OTOGL: variants seen among roughly 807,000 people sequenced by gnomAD.
OTOGL encodes the protein otogelin-like protein.
A neutral mutation model predicts 318.5 loss-of-function variants in OTOGL; 285 were observed. The observed-to-expected ratio is 0.89, with a 90% confidence interval of 0.81 to 0.99. The LOEUF (loss-of-function observed/expected upper bound fraction) is 0.99, where lower values mean the gene tolerates loss of function less well. OTOGL is among the 50% of genes least tolerant of loss of function. The probability of loss-of-function intolerance (pLI) is 0.00; values close to 1 mark genes in which losing one functional copy is unlikely to be tolerated. For synonymous variants in OTOGL, 987 were observed against 936.5 expected, an observed-to-expected ratio of 1.05 and a Z score of -0.99; for missense variants, 2,899 against 2,845.6, an observed-to-expected ratio of 1.02 and a Z score of -0.43.
Position 80,267,308 on chromosome 12 carries a change from C to A in OTOGL, c.2446C>A (p.Pro816Thr). Reference protein sequence around the residue: ...GSVYQPGELIPTPSGLCQCSN... With the variant: ...GSVYQPGELITTPSGLCQCSN... ...TGTTTATCAACCTGGAGAGCTCATC[C>A]CCACACCCTCGGGCTTATGGTAGGT... The change falls in exon 22 of 59, where the codon CCC (proline) becomes ACC (threonine). Residue 816 changes from proline to threonine, a missense_variant. Around this residue, in one of 3 missense-constraint regions of OTOGL, gnomAD observed 2,607 missense variants for 2,524.9 expected, o/e 1.03. Coordinates refer to ENST00000547103, the MANE Select transcript of OTOGL (RefSeq NM_001378609.3). The A allele has an allele frequency of 1.9e-6, 3 of 1,547,708 alleles. No individual in the cohort carries two copies. Among genetic ancestry groups the A allele is most frequent in the Non-Finnish European group, 2.7e-6 (3 of 1,130,304 alleles).
chr12:80,357,203 G>C (rs369508323), intron 49 of OTOGL, among the ~76,000 whole-genome samples: 1 of 152,086 alleles, frequency 6.6e-6, no homozygotes, highest in Admixed American at 6.6e-5. Context: ...GAAAAATTTA[G>C]CACTGGCTTT....
intron 44 of OTOGL, 37 bp downstream of exon 44, chr12:80,342,199 T>C (rs1446652440): frequency 6.8e-7 from 1 of 1,465,684 alleles, no homozygotes; most frequent in Non-Finnish European, 9.3e-7. Flanking sequence ...ACTTTCATGT[T>C]AGATATGTTG....
intron 1 of OTOGL, among the ~76,000 whole-genome samples, chr12:80,108,936 G>GTGTATA (rs1555268621): frequency 3.1e-5 from 4 of 128,244 alleles, no homozygotes; most frequent in African/African-American, 1.3e-4. Flanking sequence ...ATATGTGTGT[G>GTGTATA]TATATATATA....
chr12:80,285,927 AG>A (rs1884586459), intron 26 of OTOGL, among the ~76,000 whole-genome samples: 1 of 152,154 alleles, frequency 6.6e-6, no homozygotes, highest in African/African-American at 2.4e-5. Context: ...GAGTGGTAAG[AG>A]GGGGCATCCT....
chr12:80,295,510 C>G (rs1885333750), intron 26 of OTOGL, among the ~76,000 whole-genome samples: 1 of 152,264 alleles, frequency 6.6e-6, no homozygotes, highest in Non-Finnish European at 1.5e-5. Flanking sequence ...CTTTTTCTTA[C>G]TATGAAAATA....
intron 1 of OTOGL, among the ~76,000 whole-genome samples, chr12:80,148,460 G>A (rs1286983908): frequency 8.7e-5 from 13 of 149,150 alleles, no homozygotes; most frequent in African/African-American, 2.5e-4. Context: ...AGGGTAACCC[G>A]ACCTTTCTCT....
intron 26 of OTOGL, among the ~76,000 whole-genome samples, chr12:80,294,812 C>T (rs1885272986): frequency 6.6e-6 from 1 of 152,136 alleles, no homozygotes; most frequent in Admixed American, 6.5e-5. Context: ...GATCATTAGG[C>T]AAGGTGGCTT....
intron 32 of OTOGL, among the ~76,000 whole-genome samples, chr12:80,317,593 C>A (rs986074284): frequency 2.0e-5 from 3 of 152,104 alleles, no homozygotes; most frequent in Non-Finnish European, 4.4e-5. Flanking sequence ...CATTATAATT[C>A]ACTTATTATT....
intron 7 of OTOGL, among the ~76,000 whole-genome samples, chr12:80,225,416 CTTGTT>C (rs1172983799): frequency 6.6e-6 from 1 of 152,004 alleles, no homozygotes; most frequent in African/African-American, 2.4e-5. Flanking sequence ...TCTACTTGGC[CTTGTT>C]TTGAGTAGTA....
At chr12:80,260,684 C>G (rs10735436) in intron 18 of OTOGL, among the ~76,000 whole-genome samples, 151,761 of 152,268 alleles carry the variant, frequency 1, 75,631 homozygotes, top group Non-Finnish European at 1. Flanking sequence ...TGAGCTGAAA[C>G]GTTATTTTAT....
chr12:80,253,085 T>C (rs1295566566), intron 13 of OTOGL, among the ~76,000 whole-genome samples: 1 of 152,192 alleles, frequency 6.6e-6, no homozygotes, highest in Non-Finnish European at 1.5e-5. Context: ...CCTAGCTCTT[T>C]ATGATTCTGT....
At chr12:80,239,308 G>C (rs753778077) in intron 10 of OTOGL, 25 bp from the exon 11 acceptor site, 1 of 1,505,132 alleles carries the variant, frequency 6.6e-7, no homozygotes, top group Non-Finnish European at 9.2e-7. Flanking sequence ...ACATAGTCTA[G>C]TGACTGCCAT....
At position 80,209,377 on chromosome 12, in the gene OTOGL, A is replaced by G. The variant is rs1025972802; in HGVS notation, c.-19-36A>G. 3 of 1,189,694 alleles carry G rather than the reference A, an allele frequency of 2.5e-6. No individual in the cohort carries two copies. The African/African-American group carries it at 4.6e-5, about 18-fold the overall frequency. The allele number at this position is 1,189,694 out of a possible 1,614,324, so 73.7% of individuals were successfully genotyped here. ...CAAATATGCATACTTCTAAGATGCC[A>G]TCATAATAAAGACCATCAATTTGGT... On this transcript the variant is annotated intron_variant, in intron 1 of 58. Transcript: ENST00000547103.
chr12:80,313,388 T>G (rs1213072679), intron 30 of OTOGL, 88 bp from the exon 31 acceptor site: 1 of 1,327,756 alleles, frequency 7.5e-7, no homozygotes, highest in Admixed American at 2.0e-5. Context: ...AATATCAAAC[T>G]TTGAAAACAC....
chr12:80,285,296 T>C (rs1400614636), intron 26 of OTOGL, among the ~76,000 whole-genome samples: 1 of 152,192 alleles, frequency 6.6e-6, no homozygotes, highest in African/African-American at 2.4e-5. Context: ...TAGTATAGTT[T>C]GCAGTCAGGT....
intron 29 of OTOGL, among the ~76,000 whole-genome samples, chr12:80,307,477 G>C (rs1451314124): frequency 2.0e-5 from 3 of 150,286 alleles, no homozygotes; most frequent in African/African-American, 4.9e-5. Context: ...GTGGCTGGCC[G>C]GGCAGAGGGG....
At chr12:80,351,644 C>T (rs908016671) in intron 44 of OTOGL, among the ~76,000 whole-genome samples, 15 of 152,166 alleles carry the variant, frequency 9.9e-5, no homozygotes, top group African/African-American at 3.6e-4. Context: ...CTATTTTTAT[C>T]GGATACTTTG....
intron 1 of OTOGL, among the ~76,000 whole-genome samples, chr12:80,159,641 G>A (rs2137189303): frequency 6.6e-6 from 1 of 152,060 alleles, no homozygotes; most frequent in Non-Finnish European, 1.5e-5. Context: ...CTCCTGGATG[G>A]GTAGAATCAA....
chr12:80,258,649 A>G (rs977022831), intron 18 of OTOGL, among the ~76,000 whole-genome samples: 1 of 152,142 alleles, frequency 6.6e-6, no homozygotes, highest in Non-Finnish European at 1.5e-5. Context: ...TAAAAGCACA[A>G]TGGGAGCAAT....
Sources: allele counts gnomAD v4.1 joint callset (sites outside exome capture counted in the v4.1 genomes callset), GRCh38; gene constraint gnomAD v4.1.1; regional missense constraint gnomAD v4.1.1; transcripts MANE v1.5; gene names NCBI Gene and HGNC (gene_info 2026-07-23, HGNC 2026-07-21).